PCDHA11: variants seen among roughly 807,000 people sequenced by gnomAD.
PCDHA11 encodes the protein protocadherin alpha-11.
In PCDHA11, 61 loss-of-function variants were observed where a neutral mutation model predicts 70.3. That is an observed-to-expected ratio of 0.87 (90% confidence interval 0.71 to 1.07). The LOEUF (loss-of-function observed/expected upper bound fraction) is 1.07. PCDHA11 is among the 50% of genes least tolerant of loss of function. PCDHA11 has a pLI of 0.00. For missense variants in PCDHA11, 1,324 were observed against 1,237.5 expected (o/e 1.07, Z -1.05); for synonymous variants, 633 against 555.1 (o/e 1.14, Z -1.97).
chr5:140,912,860 G>A (rs1554195574), intron 1 of PCDHA11, among the ~76,000 whole-genome samples: 1 of 152,182 alleles, frequency 6.6e-6, no homozygotes, highest in African/African-American at 2.4e-5. Flanking sequence ...CAATTGAAAT[G>A]ATATATGGTT....
In PCDHA11 at chr5:140,870,354, G is replaced by T; in HGVS notation, c.1251G>T (p.Val417=). 1 of 1,614,226 alleles carries T rather than the reference G, an allele frequency of 6.2e-7. No individual in the cohort carries two copies. Among genetic ancestry groups the T allele is most frequent in the Non-Finnish European group, 8.5e-7 (1 of 1,180,040 alleles). The change falls in exon 1 of 4, where the codon GTG becomes GTT. Residue 417 remains valine, a synonymous_variant. Transcript: ENST00000398640. ...VLDSALDREN[V]WAYELVVTAR... is the part of the protein sequence containing the mutation. ...ACAGCGCCCTGGACCGCGAGAACGT[G>T]TGGGCCTATGAACTGGTGGTGACTG...
At chr5:140,929,404 G>T (rs530409256) in intron 1 of PCDHA11, 1 of 1,506,596 alleles carries the variant, frequency 6.6e-7, no homozygotes, top group South Asian at 1.4e-5. Flanking sequence ...TCTTAGACAA[G>T]CCTTTCACAA....
At position 140,974,721 on chromosome 5, in the gene PCDHA11, G is replaced by A. The variant is rs1033117636; in HGVS notation, c.2392-4228G>A. 3.9e-5 allele frequency among the ~76,000 whole-genome samples: 6 copies of A among 152,050 alleles called. No homozygotes were observed. In the East Asian group the frequency reaches 1.2e-3, roughly 29 times the overall value. On this transcript the variant is annotated intron_variant, in intron 1 of 3. Transcript: ENST00000398640. ...TCACCATGTTGTTCAAGCTGCTCTCGAACTCCTGTCTCCACCTTGGCCTCC... is the reference window on the plus strand; with the variant it reads ...TCACCATGTTGTTCAAGCTGCTCTCAAACTCCTGTCTCCACCTTGGCCTCC...
At chr5:140,923,468 G>T (rs2081380588) in intron 1 of PCDHA11, among the ~76,000 whole-genome samples, 1 of 152,098 alleles carries the variant, frequency 6.6e-6, no homozygotes, top group African/African-American at 2.4e-5. Flanking sequence ...GGTAGGGGCT[G>T]CAGTGAGCCA....
rs1256665914 is a variant in PCDHA11 at position 140,917,331 on chromosome 5, G to A, written c.2391+45837G>A. On this transcript the variant is annotated intron_variant, in intron 1 of 3. Transcript: ENST00000398640. ...AATTTGGTGTTCATGTGGCGGGGGA[G>A]GGGGGGGATGGTGTAGGCTTCTGTT... Among the ~76,000 whole-genome samples the A allele has an allele frequency of 5.8e-5, 8 of 137,654 alleles. 1 individual carries two copies. The East Asian group carries it at 6.7e-4, about 12-fold the overall frequency. 90.3% of individuals were successfully genotyped at this position (137,654 alleles called of 152,430 possible).
chr5:140,875,318 C>G, intron 1 of PCDHA11: 1 of 1,427,508 alleles, frequency 7.0e-7, no homozygotes, highest in South Asian at 1.6e-5. Flanking sequence ...ACATTCCAAT[C>G]ATTCACGGAA....
Position 141,006,215 on chromosome 5 carries a change from T to A in PCDHA11, c.2540-3412T>A, listed in dbSNP as rs530559800. Among the ~76,000 whole-genome samples, 194 of 151,754 alleles carry A rather than the reference T, an allele frequency of 1.3e-3. 2 individuals carry two copies. The highest frequency in any genetic ancestry group is 4.2e-3 in the African/African-American group (174 of 41,396). ...ATGTATGTTATGCCTCATTTTTTTT[T>A]AAATTTTTTATTTTTAGATGGAGTC... On this transcript the variant is annotated intron_variant, in intron 3 of 3. Coordinates refer to ENST00000398640, the MANE Select transcript of PCDHA11 (RefSeq NM_018902.5).
chr5:140,980,562 G>A (rs944389305), intron 2 of PCDHA11, among the ~76,000 whole-genome samples: 2 of 152,048 alleles, frequency 1.3e-5, no homozygotes, highest in Non-Finnish European at 2.9e-5. Context: ...CCCGGGAGGC[G>A]GAAGTTGCAG....
intron 1 of PCDHA11, chr5:140,968,724 G>C: frequency 6.2e-7 from 1 of 1,614,090 alleles, no homozygotes; most frequent in Non-Finnish European, 8.5e-7. Context: ...GATGAGAGTG[G>C]TAGCACTTTC....
At position 140,915,045 on chromosome 5, in the gene PCDHA11, A is replaced by G. The variant is rs989835419; in HGVS notation, c.2391+43551A>G. 2.0e-5 allele frequency among the ~76,000 whole-genome samples: 3 copies of G among 151,216 alleles called. No homozygotes were observed. In the East Asian group the frequency reaches 5.8e-4, roughly 29 times the overall value. On this transcript the variant is annotated intron_variant, in intron 1 of 3. Transcript: ENST00000398640. ...ACTGCAACTTCTGCCTCCTGGGTTC[A>G]AGCGATTCTCCTGCCTTAGCCTACT...
intron 2 of PCDHA11, among the ~76,000 whole-genome samples, chr5:140,981,353 C>A (rs551731316): frequency 6.6e-6 from 1 of 152,166 alleles, no homozygotes; most frequent in South Asian, 2.1e-4. Context: ...GCAGGTGGAT[C>A]ACTTGAGGTC....
chr5:140,876,055 G>A (rs782670279), intron 1 of PCDHA11: 2 of 1,613,934 alleles, frequency 1.2e-6, no homozygotes, highest in Non-Finnish European at 1.7e-6. Context: ...GCCTGAATTA[G>A]TTCTTCGGAA....
intron 1 of PCDHA11, among the ~76,000 whole-genome samples, chr5:140,939,496 T>C (rs1056805885): frequency 4.6e-5 from 7 of 150,952 alleles, no homozygotes; most frequent in African/African-American, 1.5e-4. Context: ...AATTATAAAT[T>C]CAATGTCTAT....
intron 1 of PCDHA11, among the ~76,000 whole-genome samples, chr5:140,954,765 C>T (rs1305270750): frequency 6.6e-6 from 1 of 152,064 alleles, no homozygotes; most frequent in Non-Finnish European, 1.5e-5. Context: ...TGCAGAAGCT[C>T]TTTAATTTAA....
At chr5:140,988,625 T>A (rs1406223989) in intron 3 of PCDHA11, among the ~76,000 whole-genome samples, 1 of 152,176 alleles carries the variant, frequency 6.6e-6, no homozygotes, top group Non-Finnish European at 1.5e-5. Context: ...AATGGAGATG[T>A]CCTGGTTTTC....
chr5:140,909,061 A>G (rs2074290709), intron 1 of PCDHA11, among the ~76,000 whole-genome samples: 2 of 152,188 alleles, frequency 1.3e-5, no homozygotes, highest in African/African-American at 4.8e-5. Context: ...CAAATGTCTC[A>G]CCAATAAGCC....
At chr5:140,906,111 C>T (rs910809345) in intron 1 of PCDHA11, among the ~76,000 whole-genome samples, 1 of 152,100 alleles carries the variant, frequency 6.6e-6, no homozygotes, top group Admixed American at 6.5e-5. Flanking sequence ...TTTCCCAGTC[C>T]ACTGACACAA....
intron 3 of PCDHA11, among the ~76,000 whole-genome samples, chr5:140,992,665 T>A (rs1219714191): frequency 2.6e-5 from 4 of 152,096 alleles, no homozygotes; most frequent in Non-Finnish European, 5.9e-5. Context: ...CTGATTGGTG[T>A]GTATGTGTGT....
intron 1 of PCDHA11, among the ~76,000 whole-genome samples, chr5:140,900,492 G>A (rs2068087412): frequency 6.6e-6 from 1 of 152,174 alleles, no homozygotes; most frequent in African/African-American, 2.4e-5. Flanking sequence ...GGTCAGACTG[G>A]TCTCAAATTC....
Sources: gnomAD v4.1 joint callset for allele counts (sites outside exome capture counted in the v4.1 genomes callset) on GRCh38, gnomAD v4.1.1 for gene constraint, MANE v1.5 for transcripts, NCBI Gene and HGNC (gene_info 2026-07-23, HGNC 2026-07-21) for gene names.